Variants in PAK2 observed in about 807,000 individuals in gnomAD.
PAK2 encodes the protein serine/threonine-protein kinase PAK 2.
A neutral mutation model predicts 65.9 loss-of-function variants in PAK2; 21 were observed. That is an observed-to-expected ratio of 0.32 (90% CI 0.23 to 0.46). The LOEUF is 0.46. Among genes scored for constraint, PAK2 ranks in the 20% least tolerant of loss-of-function variants. PAK2 has a pLI of 1.00. For missense variants in PAK2, 324 were observed against 642.6 expected (o/e 0.50, Z 5.36); for synonymous variants, 204 against 219.7 (o/e 0.93, Z 0.63).
At chr3:196,756,268 C>T (rs1713766638) in intron 1 of PAK2, among the ~76,000 whole-genome samples, 1 of 152,144 alleles carries the variant, frequency 6.6e-6, no homozygotes, top group Admixed American at 6.6e-5. Flanking sequence ...AATGCCTTTA[C>T]ACTCCCTGTG....
At chr3:196,755,359 C>T (rs985260596) in intron 1 of PAK2, among the ~76,000 whole-genome samples, 1 of 152,048 alleles carries the variant, frequency 6.6e-6, no homozygotes. Flanking sequence ...TCTATGGACC[C>T]TCCCTCCCCA....
At chr3:196,741,616 A>C (rs1040693188) in intron 1 of PAK2, among the ~76,000 whole-genome samples, 21 of 152,236 alleles carry the variant, frequency 1.4e-4, no homozygotes, top group African/African-American at 5.1e-4. Flanking sequence ...AGGTTGACCT[A>C]AATTCAGTGT....
At chr3:196,807,959 C>T (rs762594555) in intron 7 of PAK2, 45 bp downstream of exon 7, 2 of 1,561,008 alleles carry the variant, frequency 1.3e-6, no homozygotes, top group Non-Finnish European at 1.7e-6. Flanking sequence ...GTTCACGGCT[C>T]TTAAAACATT....
At chr3:196,817,156 ATTTTTTT>A (rs11314877) in intron 11 of PAK2, among the ~76,000 whole-genome samples, 2 of 84,766 alleles carry the variant, frequency 2.4e-5, no homozygotes, top group Non-Finnish European at 2.2e-5. Flanking sequence ...GAAAGAGGCA[ATTTTTTT>A]TTTTTTTTTT....
intron 1 of PAK2, among the ~76,000 whole-genome samples, chr3:196,749,946 A>G (rs1252525710): frequency 3.3e-5 from 5 of 151,428 alleles, no homozygotes; most frequent in African/African-American, 1.2e-4. Flanking sequence ...CTCAGCCTCC[A>G]GAGTAGCCAG....
intron 3 of PAK2, among the ~76,000 whole-genome samples, chr3:196,802,800 C>T (rs1240984840): frequency 6.7e-6 from 1 of 150,192 alleles, no homozygotes; most frequent in Non-Finnish European, 1.5e-5. Context: ...GCCGAGATCT[C>T]GCACGACTGC....
At chr3:196,781,766 G>C (rs553265905) in intron 1 of PAK2, among the ~76,000 whole-genome samples, 2 of 152,096 alleles carry the variant, frequency 1.3e-5, no homozygotes, top group South Asian at 4.1e-4. Flanking sequence ...TCAGGAATTC[G>C]AGACCAGCCT....
intron 1 of PAK2, among the ~76,000 whole-genome samples, chr3:196,777,046 C>T (rs1354259613): frequency 6.6e-6 from 1 of 152,154 alleles, no homozygotes; most frequent in Non-Finnish European, 1.5e-5. Context: ...TTCTACCACA[C>T]CAGACATGAA....
At chr3:196,741,939 A>T (rs1039390161) in intron 1 of PAK2, among the ~76,000 whole-genome samples, 1 of 152,178 alleles carries the variant, frequency 6.6e-6, no homozygotes, top group Non-Finnish European at 1.5e-5. Flanking sequence ...GTTTACTCTC[A>T]TTCAGAGAGA....
At chr3:196,811,317 T>TC (rs1560113879) in intron 8 of PAK2, among the ~76,000 whole-genome samples, 1 of 1,280 alleles carries the variant, frequency 7.8e-4, no homozygotes, top group African/African-American at 4.3e-3. Flanking sequence ...TCCCTTCCTT[T>TC]CCTTCCTTCC....
At chr3:196,812,422 G>A (rs183772430) in intron 9 of PAK2, among the ~76,000 whole-genome samples, 155 bp downstream of exon 9, 14 of 152,290 alleles carry the variant, frequency 9.2e-5, no homozygotes, top group South Asian at 2.1e-4. Context: ...TCAGTAAGGC[G>A]GGGAAGGACT....
At chr3:196,766,931 C>CGTGTGTGT (rs60929724) in intron 1 of PAK2, among the ~76,000 whole-genome samples, 6,953 of 134,262 alleles carry the variant, frequency 0.052, 219 homozygotes, top group Admixed American at 0.1. Context: ...AAGTACACCC[C>CGTGTGTGT]GTGTGTGTGT....
At chr3:196,749,081 CT>C (rs71621295) in intron 1 of PAK2, among the ~76,000 whole-genome samples, 70,161 of 149,500 alleles carry the variant, frequency 0.47, 16,760 homozygotes, top group Non-Finnish European at 0.54. Context: ...AAGTTCTTTT[CT>C]TTTTTTTTTG....
chr3:196,804,872 CAT>C (rs1463376471), intron 4 of PAK2, among the ~76,000 whole-genome samples: 2 of 151,090 alleles, frequency 1.3e-5, no homozygotes, highest in South Asian at 2.1e-4. Context: ...CACACACACA[CAT>C]ATATGTATGT....
intron 4 of PAK2, among the ~76,000 whole-genome samples, chr3:196,803,496 A>G (rs1279277897): frequency 2.0e-5 from 3 of 152,184 alleles, no homozygotes; most frequent in Non-Finnish European, 4.4e-5. Flanking sequence ...ATCAAAGGAA[A>G]AGACGCTGGT....
Position 196,797,820 on chromosome 3 carries a change from A to G in PAK2, c.188-4107A>G, listed in dbSNP as rs540744989. The stretch of plus-strand genomic sequence containing the variant: ...GTTCTTGTGATCATAATATAATTCA[A>G]TTAGAAATCAGTCACAAGAAGGTCT... On this transcript the variant is annotated intron_variant, in intron 2 of 14. Coordinates refer to ENST00000327134, the MANE Select transcript of PAK2 (RefSeq NM_002577.4). 5.9e-5 allele frequency among the ~76,000 whole-genome samples: 9 copies of G among 152,340 alleles called. No individual in the cohort carries two copies. The East Asian group carries it at 1.7e-3, about 29-fold the overall frequency.
chr3:196,759,184 T>C (rs892946178), intron 1 of PAK2, among the ~76,000 whole-genome samples: 16 of 152,170 alleles, frequency 1.1e-4, no homozygotes, highest in African/African-American at 3.9e-4. Context: ...TTTGTCACCA[T>C]TGAAGTAGTC....
intron 11 of PAK2, among the ~76,000 whole-genome samples, chr3:196,815,201 C>A (rs953131166): frequency 7.4e-5 from 11 of 149,530 alleles, no homozygotes; most frequent in Admixed American, 6.7e-5. Context: ...AAAAGAAATA[C>A]ACCACTTAGC....
At chr3:196,785,817 C>A (rs1171246099) in intron 2 of PAK2, among the ~76,000 whole-genome samples, 33 of 152,248 alleles carry the variant, frequency 2.2e-4, no homozygotes, top group Admixed American at 2.2e-3. Context: ...CGAGAGAGAG[C>A]TTGTGCAGGG....
Sources: allele counts gnomAD v4.1 joint callset (sites outside exome capture counted in the v4.1 genomes callset), GRCh38; gene constraint gnomAD v4.1.1; transcripts MANE v1.5; gene names NCBI Gene and HGNC (gene_info 2026-07-23, HGNC 2026-07-21).